TSPAN14: variants seen among roughly 807,000 people sequenced by gnomAD.
TSPAN14 encodes the protein tetraspanin 14.
TSPAN14 carries 16 observed loss-of-function variants against 36.6 expected under a neutral mutation model. That is an observed-to-expected ratio of 0.44 (90% CI 0.30 to 0.66). TSPAN14 has a LOEUF of 0.66. Ranked by LOEUF, TSPAN14 falls within the 30% of genes least tolerant of loss-of-function variation. The pLI, the probability that TSPAN14 is intolerant of heterozygous loss-of-function variation, is 0.12. For missense variants in TSPAN14, 231 were observed against 355.1 expected (o/e 0.65, Z 2.81); for synonymous variants, 139 against 143.8 (o/e 0.97, Z 0.24).
exon 9 of TSPAN14, chr10:80,520,326 A>T: frequency 3.0e-6 from 1 of 333,036 alleles, no homozygotes; most frequent in Admixed American, 4.5e-5. Flanking sequence ...CAGCCATATC[A>T]TGTGACTCTG....
chr10:80,497,819 G>A (rs1564734585), intron 2 of TSPAN14, among the ~76,000 whole-genome samples: 1 of 152,194 alleles, frequency 6.6e-6, no homozygotes, highest in Admixed American at 6.5e-5. Context: ...CCACATTGGG[G>A]CCCTCACATG....
chr10:80,504,600 T>C, intron 2 of TSPAN14, 128 bp from the exon 3 acceptor site: 1 of 1,059,530 alleles, frequency 9.4e-7, no homozygotes, highest in Non-Finnish European at 1.4e-6. Flanking sequence ...CTGCGGGGCC[T>C]GAGGGGCCAT....
At chr10:80,469,323 A>G (rs1381993184) in intron 1 of TSPAN14, among the ~76,000 whole-genome samples, 1 of 152,100 alleles carries the variant, frequency 6.6e-6, no homozygotes, top group African/African-American at 2.4e-5. Context: ...CATTTTCTAT[A>G]AAGATGTTTT....
chr10:80,454,799 C>T (rs1845658909), intron 1 of TSPAN14, among the ~76,000 whole-genome samples: 1 of 152,144 alleles, frequency 6.6e-6, no homozygotes, highest in South Asian at 2.1e-4. Flanking sequence ...ATGGGCCACC[C>T]TTTCGGCTCA....
At chr10:80,495,027 C>T (rs961340018) in intron 2 of TSPAN14, among the ~76,000 whole-genome samples, 15 of 152,026 alleles carry the variant, frequency 9.9e-5, no homozygotes, top group Admixed American at 9.2e-4. Context: ...TATAGAACAT[C>T]TACTAATATA....
chr10:80,518,880 C>T (rs1281224973), exon 9 of TSPAN14: 1 of 152,934 alleles, frequency 6.5e-6, no homozygotes, highest in Non-Finnish European at 1.5e-5. Flanking sequence ...TTTGAGTCCC[C>T]TTGAGTGTCT....
At chr10:80,493,041 A>G (rs1454934272) in intron 2 of TSPAN14, among the ~76,000 whole-genome samples, 1 of 152,198 alleles carries the variant, frequency 6.6e-6, no homozygotes, top group African/African-American at 2.4e-5. Context: ...TGAGGTTCTT[A>G]TCACAAGGAT....
intron 1 of TSPAN14, among the ~76,000 whole-genome samples, chr10:80,480,052 G>A (rs1373219152): frequency 6.8e-6 from 1 of 148,084 alleles, no homozygotes; most frequent in Non-Finnish European, 1.5e-5. Context: ...TCTCTTTGAA[G>A]CAATTGTGAA....
At chr10:80,497,905 G>A (rs1848281851) in intron 2 of TSPAN14, among the ~76,000 whole-genome samples, 1 of 152,332 alleles carries the variant, frequency 6.6e-6, no homozygotes, top group African/African-American at 2.4e-5. Context: ...GGAAAAGCTG[G>A]GGTGTGATAG....
chr10:80,479,254 C>G (rs1264676689), intron 1 of TSPAN14, among the ~76,000 whole-genome samples: 3 of 150,804 alleles, frequency 2.0e-5, no homozygotes, highest in South Asian at 4.2e-4. Context: ...CCTGTTCACT[C>G]TGATGGTAGT....
chr10:80,459,774 G>A (rs1271320135), intron 1 of TSPAN14, among the ~76,000 whole-genome samples: 3 of 152,164 alleles, frequency 2.0e-5, no homozygotes, highest in African/African-American at 4.8e-5. Flanking sequence ...GGCCTCTCCC[G>A]AATCTCTTGT....
intron 6 of TSPAN14, among the ~76,000 whole-genome samples, chr10:80,513,178 T>G (rs1026253550): frequency 4.6e-5 from 7 of 152,130 alleles, no homozygotes; most frequent in Non-Finnish European, 1.0e-4. Flanking sequence ...GGATTACAGG[T>G]GTGGGCCGCT....
At chr10:80,501,286 CTTTTTT>C (rs36008947) in intron 2 of TSPAN14, among the ~76,000 whole-genome samples, 1 of 120,600 alleles carries the variant, frequency 8.3e-6, no homozygotes, top group Non-Finnish European at 1.7e-5. Context: ...TTTAGAAAAC[CTTTTTT>C]TTTTTTTTTT....
chr10:80,506,676 T>C (rs75426073), intron 3 of TSPAN14, among the ~76,000 whole-genome samples: 2,227 of 152,368 alleles, frequency 0.015, 62 homozygotes, highest in African/African-American at 0.051. Context: ...ATTAGCCACA[T>C]TTCAAGTGCT....
intron 1 of TSPAN14, among the ~76,000 whole-genome samples, chr10:80,456,147 A>T (rs1034062967): frequency 2.0e-5 from 3 of 152,148 alleles, no homozygotes; most frequent in Admixed American, 6.5e-5. Flanking sequence ...ACCAGCTATG[A>T]ACTTGGTGTG....
chr10:80,493,499 GA>G (rs1466909651), intron 2 of TSPAN14, among the ~76,000 whole-genome samples: 12 of 152,210 alleles, frequency 7.9e-5, no homozygotes, highest in Admixed American at 3.9e-4. Context: ...CCAAAAGGTA[GA>G]AACAACCAAA....
rs927467841 is a variant in TSPAN14, at chr10:80,495,163, C to T, written c.81+5849C>T. 3.3e-5 allele frequency among the ~76,000 whole-genome samples: 5 copies of T among 152,122 alleles called. No individual in the cohort carries two copies. The East Asian group carries it at 5.8e-4, about 18-fold the overall frequency. ...GATGCAGTGATTAGTTTATGTAATA[C>T]GCATTCTTCCCTTTAGGGAAGGGAG... is the stretch of plus-strand genomic sequence containing the variant. On this transcript the variant is annotated intron_variant, in intron 2 of 8. Coordinates refer to ENST00000429989, the Ensembl canonical transcript of TSPAN14.
intron 1 of TSPAN14, among the ~76,000 whole-genome samples, chr10:80,473,609 G>A (rs10788640): frequency 0.32 from 49,233 of 151,710 alleles, 9,961 homozygotes; most frequent in East Asian, 0.88. Flanking sequence ...CTGACGTTGT[G>A]CAGCTGTGTA....
At chr10:80,458,343 A>G (rs79850083) in intron 1 of TSPAN14, among the ~76,000 whole-genome samples, 4,632 of 152,258 alleles carry the variant, frequency 0.03, 231 homozygotes, top group African/African-American at 0.1. Context: ...TTTCCCCCTC[A>G]GGCCACGTTA....
Sources: allele counts gnomAD v4.1 joint callset (sites outside exome capture counted in the v4.1 genomes callset), GRCh38; gene constraint gnomAD v4.1.1; transcripts MANE v1.5; gene names NCBI Gene and HGNC (gene_info 2026-07-23, HGNC 2026-07-21).